SYT3: variants seen among roughly 807,000 people sequenced by gnomAD.
SYT3 encodes the protein synaptotagmin-3.
A neutral mutation model predicts 50.6 loss-of-function variants in SYT3; 25 were observed. That is an observed-to-expected ratio of 0.49 (90% CI 0.36 to 0.69). SYT3 has a LOEUF of 0.69. Ranked by LOEUF, SYT3 falls within the 30% of genes least tolerant of loss-of-function variation. SYT3 has a pLI of 0.00. For synonymous variants in SYT3, 323 were observed against 353.9 expected, an observed-to-expected ratio of 0.91 and a Z score of 0.98; for missense variants, 589 against 793.6, an observed-to-expected ratio of 0.74 and a Z score of 3.10.
the SYT3 span, chr19:50,655,965 G>A: frequency 1.5e-6 from 2 of 1,306,116 alleles, no homozygotes; most frequent in South Asian, 2.5e-5. Context: ...GGTGTGGCAT[G>A]GGCAAGCAAT....
chr19:50,653,033 C>T, the SYT3 span, among the ~76,000 whole-genome samples: 5 of 152,088 alleles, frequency 3.3e-5, no homozygotes, highest in Non-Finnish European at 7.4e-5. Flanking sequence ...GTATTTTATT[C>T]TATTCTATTT....
the SYT3 span, among the ~76,000 whole-genome samples, chr19:50,651,014 G>C: frequency 6.6e-6 from 1 of 152,178 alleles, no homozygotes; most frequent in African/African-American, 2.4e-5. Flanking sequence ...TGTTTTCTTT[G>C]CAGCGTTGTG....
In SYT3 at chr19:50,634,918, G is replaced by A. The variant is rs11879829; in HGVS notation, c.149-2107C>T. 3.7e-3 allele frequency among the ~76,000 whole-genome samples: 560 copies of A among 150,080 alleles called. 7 individuals carry two copies. Among genetic ancestry groups the A allele is most frequent in the African/African-American group, 0.013 (529 of 40,768 alleles). On this transcript the variant is annotated intron_variant, in intron 3 of 10. Coordinates refer to ENST00000600079, the MANE Select transcript of SYT3 (RefSeq NM_001160329.2). The stretch of plus-strand genomic sequence containing the variant: ...CTCTTTTTTTTTGAGACAGAGTCTC[G>A]CTGTGTCACCCAGGCTGGAGTGCAG...
At chr19:50,642,839 AAAAG>A (rs1349986749), upstream of SYT3, among the ~76,000 whole-genome samples, 4 of 152,250 alleles carry the variant, frequency 2.6e-5, no homozygotes, top group Non-Finnish European at 4.4e-5. Context: ...TGTCTCAAAA[AAAAG>A]AAAGAAAGAA....
chr19:50,626,775 G>T (rs944953613), intron 6 of SYT3, among the ~76,000 whole-genome samples: 18 of 151,066 alleles, frequency 1.2e-4, no homozygotes, highest in African/African-American at 3.4e-4. Context: ...GATATATATA[G>T]AGAGAGACTC....
At chr19:50,643,677 A>C (rs920159476), upstream of SYT3, among the ~76,000 whole-genome samples, 1 of 151,980 alleles carries the variant, frequency 6.6e-6, no homozygotes, top group East Asian at 1.9e-4. Context: ...CATTTGAGAA[A>C]TACTTTCTGA....
chr19:50,629,241 C>CG (rs1378289452), intron 6 of SYT3, 53 bp downstream of exon 6: 6 of 1,463,426 alleles, frequency 4.1e-6, no homozygotes, highest in East Asian at 2.3e-5. Context: ...GCTTGCAACC[C>CG]GGGGGGTCTC....
At chr19:50,647,616 G>A in the SYT3 span, among the ~76,000 whole-genome samples, 1 of 152,068 alleles carries the variant, frequency 6.6e-6, no homozygotes, top group Non-Finnish European at 1.5e-5. Context: ...GGAGGTCAAG[G>A]CTGTTATACC....
rs1984189140 is a variant in SYT3 at position 50,629,275 on chromosome 19, A to G, written c.1281+19T>C. ...TCAGGGCCCTGGGAAGGGGAAGGTCAGGGGAGAGGGCCACTGACCGAGCCG... is the reference window on the plus strand; with the variant it reads ...TCAGGGCCCTGGGAAGGGGAAGGTCGGGGGAGAGGGCCACTGACCGAGCCG... On this transcript the variant is annotated intron_variant, in intron 6 of 10. Transcript: ENST00000600079. The G allele has an allele frequency of 4.4e-6, 7 of 1,576,076 alleles. No individual in the cohort carries two copies. Among genetic ancestry groups the G allele is most frequent in the African/African-American group, 1.3e-5 (1 of 74,190 alleles).
chr19:50,632,252 C>A lies in SYT3; in HGVS notation c.674+34G>T. 1 of 1,520,026 alleles carries A rather than the reference C, an allele frequency of 6.6e-7. No homozygotes were observed. Among genetic ancestry groups the A allele is most frequent in the South Asian group, 1.3e-5 (1 of 76,690 alleles). 94.2% of individuals were successfully genotyped at this position (1,520,026 alleles called of 1,614,324 possible). On this transcript the variant is annotated intron_variant, in intron 4 of 10. Transcript: ENST00000600079. This position sits in a 1 kb window ranked among gnomAD's most constrained non-coding sequence, Gnocchi z 4.7. ...GAGACACAGAGGAGGAGCAGAAGTT[C>A]AGAGTGGACCCCCAACCCAGTATCC...
chr19:50,634,216 T>C (rs952436446), intron 3 of SYT3, among the ~76,000 whole-genome samples: 1 of 152,226 alleles, frequency 6.6e-6, no homozygotes, highest in East Asian at 1.9e-4. Context: ...AATGGACTTC[T>C]GGGTGTTGAC....
At chr19:50,631,239 C>T (rs973332256) in intron 4 of SYT3, among the ~76,000 whole-genome samples, 3 of 149,282 alleles carry the variant, frequency 2.0e-5, no homozygotes, top group African/African-American at 7.4e-5. Flanking sequence ...GCAATCTTGG[C>T]TCCCAGGTTC....
At chr19:50,641,863 A>C (rs987804839), upstream of SYT3, among the ~76,000 whole-genome samples, 13 of 152,250 alleles carry the variant, frequency 8.5e-5, no homozygotes, top group African/African-American at 3.1e-4. Flanking sequence ...AATAAACATA[A>C]ATATGAATAA....
At chr19:50,647,168 T>C in the SYT3 span, among the ~76,000 whole-genome samples, 2 of 151,252 alleles carry the variant, frequency 1.3e-5, no homozygotes, top group Non-Finnish European at 2.9e-5. Context: ...TAATAAAGGG[T>C]AGGTGGAGAA....
the SYT3 span, chr19:50,649,656 C>G: frequency 1.1e-6 from 1 of 940,628 alleles, no homozygotes; most frequent in East Asian, 2.6e-5. Context: ...TCACCAGATT[C>G]CTGGAGAGCG....
the SYT3 span, among the ~76,000 whole-genome samples, chr19:50,651,086 C>T: frequency 1.9e-4 from 29 of 152,286 alleles, no homozygotes; most frequent in African/African-American, 6.7e-4. Flanking sequence ...TTAGAAAGCC[C>T]CTGGGTCCCA....
intron 6 of SYT3, among the ~76,000 whole-genome samples, chr19:50,627,280 C>T (rs974857753): frequency 6.6e-6 from 1 of 152,220 alleles, no homozygotes; most frequent in South Asian, 2.1e-4. Context: ...TCCACAAGCT[C>T]CCAGATCCCC....
At chr19:50,655,275 G>A in the SYT3 span, among the ~76,000 whole-genome samples, 4 of 152,080 alleles carry the variant, frequency 2.6e-5, no homozygotes, top group Non-Finnish European at 5.9e-5. Context: ...AGCTGATGGT[G>A]GGGTGGTCAA....
At chr19:50,643,368 G>A (rs898785674), upstream of SYT3, among the ~76,000 whole-genome samples, 11 of 151,674 alleles carry the variant, frequency 7.3e-5, no homozygotes, top group Non-Finnish European at 1.6e-4. Flanking sequence ...GCATCCCCCC[G>A]GATGGATGTG....
Sources: allele counts gnomAD v4.1 joint callset (sites outside exome capture counted in the v4.1 genomes callset), GRCh38; gene constraint gnomAD v4.1.1; non-coding constraint Gnocchi (gnomAD v3.1); transcripts MANE v1.5; gene names NCBI Gene and HGNC (gene_info 2026-07-23, HGNC 2026-07-21).